ZNF385D: variants seen among roughly 807,000 people sequenced by gnomAD.
ZNF385D encodes zinc finger protein 385D.
ZNF385D carries 15 observed loss-of-function variants against 35.8 expected under a neutral mutation model. That is an observed-to-expected ratio of 0.42 (90% CI 0.28 to 0.64). ZNF385D has a LOEUF of 0.64. Ranked by LOEUF, ZNF385D falls within the 30% of genes least tolerant of loss-of-function variation. The pLI is 0.23. For synonymous variants in ZNF385D, 212 were observed against 186.8 expected (o/e 1.13, Z -1.10); for missense variants, 474 against 494.6 (o/e 0.96, Z 0.39).
At position 22,170,225 on chromosome 3, in the gene ZNF385D, C is replaced by T. The variant is rs115174295; in HGVS notation, c.107-1190G>A. 1.2e-3 allele frequency among the ~76,000 whole-genome samples: 188 copies of T among 152,242 alleles called. 1 individual carries two copies. The highest frequency in any genetic ancestry group is 4.3e-3 in the African/African-American group (178 of 41,550). ...TTATGAGCTGACTGCTATGTGACAG[C>T]GTCCTCCTAGGTTCTGGAGTTAAAC... On this transcript the variant is annotated intron_variant, in intron 2 of 5. Transcript: ENST00000494108.
At chr3:21,497,624 A>G (rs1308090814) in intron 4 of ZNF385D, among the ~76,000 whole-genome samples, 1 of 151,986 alleles carries the variant, frequency 6.6e-6, no homozygotes, top group African/African-American at 2.4e-5. Flanking sequence ...GTGGGCAGAT[A>G]ATTCACTTGA....
chr3:22,173,291 A>G lies in ZNF385D; in HGVS notation c.107-4256T>C, dbSNP rs557056923. Reference sequence around the variant, plus strand: ...AACATGGACATCGGAGGAAAAATTAATGAAATCCAAATAAAACGTAGAGTA... The same window carrying G: ...AACATGGACATCGGAGGAAAAATTAGTGAAATCCAAATAAAACGTAGAGTA... On this transcript the variant is annotated intron_variant, in intron 2 of 5. Coordinates refer to the ZNF385D transcript ENST00000494108. Among the ~76,000 whole-genome samples, 410 of 152,282 alleles carry G rather than the reference A, an allele frequency of 2.7e-3. 2 individuals are homozygous for G. Among genetic ancestry groups the G allele is most frequent in the African/African-American group, 8.3e-3 (345 of 41,568 alleles).
chr3:22,124,784 G>A (rs952822662), intron 3 of ZNF385D, among the ~76,000 whole-genome samples: 3 of 152,092 alleles, frequency 2.0e-5, no homozygotes, highest in Non-Finnish European at 2.9e-5. Flanking sequence ...ATCCTATAGA[G>A]TTGTTTGAGC....
intron 3 of ZNF385D, among the ~76,000 whole-genome samples, chr3:21,993,519 T>G (rs1011812612): frequency 2.6e-5 from 4 of 152,200 alleles, no homozygotes; most frequent in Non-Finnish European, 4.4e-5. Context: ...ACATACTGAT[T>G]CTGGATTTTA....
intron 3 of ZNF385D, among the ~76,000 whole-genome samples, chr3:21,514,659 T>A (rs1279565850): frequency 1.3e-5 from 2 of 151,846 alleles, no homozygotes; most frequent in African/African-American, 2.4e-5. Context: ...TCAGGCTATC[T>A]CTGTACCTCA....
chr3:22,288,965 A>T (rs1285853890), intron 2 of ZNF385D, among the ~76,000 whole-genome samples: 1 of 152,114 alleles, frequency 6.6e-6, no homozygotes. Flanking sequence ...TGGAGACAAG[A>T]GTATGCCAAG....
chr3:21,956,503 G>C (rs1430185427), intron 3 of ZNF385D, among the ~76,000 whole-genome samples: 1 of 151,968 alleles, frequency 6.6e-6, no homozygotes, highest in Non-Finnish European at 1.5e-5. Context: ...AGACAACTAA[G>C]AGGTAACCTT....
chr3:21,545,560 G>A (rs1262793651), intron 3 of ZNF385D, among the ~76,000 whole-genome samples: 1 of 152,134 alleles, frequency 6.6e-6, no homozygotes, highest in Non-Finnish European at 1.5e-5. Context: ...CTAGAATTTG[G>A]AAACTATGAG....
chr3:22,047,324 G>C (rs1443283556), intron 3 of ZNF385D, among the ~76,000 whole-genome samples: 1 of 151,958 alleles, frequency 6.6e-6, no homozygotes, highest in Non-Finnish European at 1.5e-5. Flanking sequence ...ACTAACGAAA[G>C]TGACCATGAT....
intron 1 of ZNF385D, among the ~76,000 whole-genome samples, chr3:21,739,492 T>C (rs1001039535): frequency 6.6e-6 from 1 of 152,124 alleles, no homozygotes; most frequent in Admixed American, 6.5e-5. Flanking sequence ...AGAGAAACAC[T>C]AATGGATAAA....
intron 2 of ZNF385D, among the ~76,000 whole-genome samples, chr3:22,313,796 A>G (rs1703727917): frequency 6.6e-6 from 1 of 152,186 alleles, no homozygotes; most frequent in Admixed American, 6.5e-5. Context: ...AAAAATGGGA[A>G]TTTGTTATCC....
chr3:21,748,923 AC>A (rs1201630295), intron 1 of ZNF385D, among the ~76,000 whole-genome samples: 4 of 152,020 alleles, frequency 2.6e-5, no homozygotes, highest in Non-Finnish European at 2.9e-5. Flanking sequence ...CTTGTACCAC[AC>A]ATTTTTTTTT....
intron 2 of ZNF385D, among the ~76,000 whole-genome samples, chr3:22,289,592 C>T (rs959821304): frequency 1.3e-5 from 2 of 152,172 alleles, no homozygotes; most frequent in East Asian, 3.9e-4. Context: ...TGCATTTCAG[C>T]CCCATCTATG....
chr3:22,334,750 T>C (rs1454101817), intron 2 of ZNF385D, among the ~76,000 whole-genome samples: 1 of 152,182 alleles, frequency 6.6e-6, no homozygotes, highest in Non-Finnish European at 1.5e-5. Flanking sequence ...ATTCAGTTTT[T>C]AGCAGCTTTA....
At chr3:22,138,111 G>C (rs1321652361) in intron 3 of ZNF385D, among the ~76,000 whole-genome samples, 13 of 152,072 alleles carry the variant, frequency 8.5e-5, no homozygotes, top group African/African-American at 3.1e-4. Context: ...CCTTACAAGG[G>C]ACGTGAAGGA....
chr3:21,692,183 T>C (rs1020035484), intron 1 of ZNF385D, among the ~76,000 whole-genome samples: 2 of 152,220 alleles, frequency 1.3e-5, no homozygotes, highest in Non-Finnish European at 2.9e-5. Flanking sequence ...GTGGCATATA[T>C]TTTTAACCAC....
intron 3 of ZNF385D, among the ~76,000 whole-genome samples, chr3:21,829,888 T>C (rs1694880336): frequency 1.3e-5 from 2 of 151,822 alleles, no homozygotes; most frequent in South Asian, 4.2e-4. Context: ...CTTTGGGAGG[T>C]CGAGGCAGGA....
intron 3 of ZNF385D, among the ~76,000 whole-genome samples, chr3:22,074,837 C>A (rs941699491): frequency 4.0e-5 from 6 of 151,846 alleles, no homozygotes; most frequent in Non-Finnish European, 4.4e-5. Context: ...TCACTGAACT[C>A]TGGAACCCTT....
intron 3 of ZNF385D, among the ~76,000 whole-genome samples, chr3:21,841,477 G>T (rs2673522): frequency 0.44 from 67,478 of 151,668 alleles, 15,345 homozygotes; most frequent in Middle Eastern, 0.49. Context: ...ATCTTCCCAC[G>T]GAGCATTCTA....
Sources: allele counts gnomAD v4.1 joint callset (sites outside exome capture counted in the v4.1 genomes callset), GRCh38; gene constraint gnomAD v4.1.1; transcripts MANE v1.5; gene names NCBI Gene and HGNC (gene_info 2026-07-23, HGNC 2026-07-21).